Variants in MPHOSPH9 observed in about 807,000 individuals in gnomAD.
The protein encoded by MPHOSPH9 is M-phase phosphoprotein 9.
In MPHOSPH9, 88 loss-of-function variants were observed where a neutral mutation model predicts 145.5. The ratio of observed to expected loss-of-function variants is 0.60; its 90% confidence interval spans 0.51 to 0.72. The LOEUF (loss-of-function observed/expected upper bound fraction) is 0.72. Ranked by LOEUF, MPHOSPH9 falls within the 30% of genes least tolerant of loss-of-function variation. The pLI is 0.00. For missense variants in MPHOSPH9, 1,238 were observed against 1,386.6 expected (o/e 0.89, Z 1.70); for synonymous variants, 435 against 486.2 (o/e 0.89, Z 1.39).
At chr12:123,195,724 C>G (rs1191254095) in intron 12 of MPHOSPH9, among the ~76,000 whole-genome samples, 1 of 152,030 alleles carries the variant, frequency 6.6e-6, no homozygotes, top group Non-Finnish European at 1.5e-5. Context: ...AGATAATAGT[C>G]CCGAATGTCA....
Position 123,176,804 on chromosome 12 carries a change from A to G in MPHOSPH9, c.2355-15T>C, listed in dbSNP as rs1444321962. On this transcript the variant is annotated splice_polypyrimidine_tract_variant and intron_variant, in intron 15 of 23. Coordinates refer to ENST00000606320, the MANE Select transcript of MPHOSPH9 (RefSeq NM_022782.4). ...TTGAAATCATTCTAATTCAAAAGCA[A>G]TAAAGATAAATTAAGTACATTTCAA... 2.6e-6 allele frequency: 4 copies of G among 1,560,604 alleles called. No individual in the cohort carries two copies. The South Asian group carries it at 3.3e-5, about 13-fold the overall frequency.
At chr12:123,198,367 A>G (rs375892583) in intron 11 of MPHOSPH9, 33 bp from the exon 12 acceptor site, 17 of 1,496,586 alleles carry the variant, frequency 1.1e-5, no homozygotes, top group Non-Finnish European at 1.6e-5. Flanking sequence ...CAATTAGAAG[A>G]TAAAATTATT....
Position 123,202,322 on chromosome 12 carries a change from T to C in MPHOSPH9, c.1782-3A>G. The C allele has an allele frequency of 1.3e-6, 2 of 1,583,628 alleles. No individual in the cohort carries two copies. Among genetic ancestry groups the C allele is most frequent in the Non-Finnish European group, 1.7e-6 (2 of 1,170,718 alleles). ...TTTCCTTCAGATTCTGCCTAATCCT[T>C]ATTCAGTGAGAATAAAAAATATATA... On this transcript the variant is annotated splice_region_variant and splice_polypyrimidine_tract_variant and intron_variant, in intron 10 of 23. Transcript: ENST00000606320.
At chr12:123,218,875 A>AGCT (rs1555230259) in intron 5 of MPHOSPH9, among the ~76,000 whole-genome samples, 2 of 151,334 alleles carry the variant, frequency 1.3e-5, no homozygotes, top group Admixed American at 1.3e-4. Flanking sequence ...AGTTGCTTTC[A>AGCT]GTTGTTGTGT....
chr12:123,229,299 T>C (rs2047548469), intron 2 of MPHOSPH9, among the ~76,000 whole-genome samples: 1 of 152,050 alleles, frequency 6.6e-6, no homozygotes. Context: ...ACTATAAATT[T>C]AGAAACCCAA....
At chr12:123,205,129 C>A (rs2046370174) in intron 8 of MPHOSPH9, among the ~76,000 whole-genome samples, 1 of 152,206 alleles carries the variant, frequency 6.6e-6, no homozygotes, top group Non-Finnish European at 1.5e-5. Context: ...TGAAAGAACA[C>A]ATTAATCATG....
chr12:123,192,086 A>G (rs1478109535), intron 13 of MPHOSPH9, among the ~76,000 whole-genome samples: 1 of 152,126 alleles, frequency 6.6e-6, no homozygotes, highest in Admixed American at 6.6e-5. Flanking sequence ...AGAAAAACAC[A>G]CCACAGTACA....
At chr12:123,202,362 T>C (rs773447841) in intron 10 of MPHOSPH9, 43 bp from the exon 11 acceptor site, 9 of 1,533,402 alleles carry the variant, frequency 5.9e-6, no homozygotes, top group Non-Finnish European at 7.9e-6. Flanking sequence ...GAAAGCTATC[T>C]TCAGTCTCCA....
At chr12:123,152,344 T>C (rs543869957), downstream of MPHOSPH9, 4 of 313,638 alleles carry the variant, frequency 1.3e-5, no homozygotes, top group South Asian at 7.6e-5. Context: ...CAAGTATTTA[T>C]TGAGTGCCTG....
At chr12:123,170,201 G>A (rs2044516862) in intron 16 of MPHOSPH9, among the ~76,000 whole-genome samples, 1 of 151,646 alleles carries the variant, frequency 6.6e-6, no homozygotes, top group African/African-American at 2.4e-5. Flanking sequence ...GGAGTACAGT[G>A]GCTCGATGTC....
At chr12:123,162,046 C>A in intron 21 of MPHOSPH9, 69 bp downstream of exon 21, 1 of 1,008,850 alleles carries the variant, frequency 9.9e-7, no homozygotes, top group South Asian at 1.9e-5. Flanking sequence ...ATTTAGAACA[C>A]TGAGAGATAC....
At chr12:123,156,995 G>C in intron 23 of MPHOSPH9, 87 bp from the exon 24 acceptor site, 2 of 917,526 alleles carry the variant, frequency 2.2e-6, no homozygotes, top group Non-Finnish European at 3.3e-6. Context: ...TTTAGCAAAA[G>C]AGCAAGTATA....
intron 8 of MPHOSPH9, among the ~76,000 whole-genome samples, chr12:123,207,146 TAAAAA>T (rs35392378): frequency 8.7e-6 from 1 of 114,580 alleles, no homozygotes; most frequent in Non-Finnish European, 1.7e-5. Context: ...CTAAAGTGGT[TAAAAA>T]AAAAAAAAAA....
chr12:123,188,472 C>G (rs925953339), intron 13 of MPHOSPH9, among the ~76,000 whole-genome samples: 3 of 152,200 alleles, frequency 2.0e-5, no homozygotes, highest in Non-Finnish European at 4.4e-5. Flanking sequence ...TAAGCTCTTG[C>G]AGAACCTTGC....
upstream of MPHOSPH9, chr12:123,233,256 A>C (rs569733747): frequency 6.6e-6 from 1 of 152,036 alleles, no homozygotes; most frequent in African/African-American, 2.4e-5. Context: ...CTCCAACCAA[A>C]GAGAGACATC....
At chr12:123,190,898 T>C (rs2045648835) in intron 13 of MPHOSPH9, among the ~76,000 whole-genome samples, 1 of 152,194 alleles carries the variant, frequency 6.6e-6, no homozygotes. Context: ...TTGTATATGA[T>C]AAATGCAAAG....
intron 16 of MPHOSPH9, among the ~76,000 whole-genome samples, chr12:123,172,806 G>A (rs1198814635): frequency 6.8e-6 from 1 of 147,060 alleles, no homozygotes; most frequent in Non-Finnish European, 1.5e-5. Context: ...ATGATGCAGT[G>A]TCATGCTTGA....
At chr12:123,162,465 A>C (rs540036407) in intron 20 of MPHOSPH9, 4 of 260,804 alleles carry the variant, frequency 1.5e-5, no homozygotes, top group African/African-American at 8.8e-5. Flanking sequence ...AACCTTATGA[A>C]ATAAGCAGGG....
At chr12:123,158,792 C>T (rs1459370249) in intron 23 of MPHOSPH9, among the ~76,000 whole-genome samples, 2 of 152,092 alleles carry the variant, frequency 1.3e-5, no homozygotes, top group African/African-American at 2.4e-5. Flanking sequence ...CCACAACCGG[C>T]TAATTTTTTT....
Sources: gnomAD v4.1 joint callset for allele counts (sites outside exome capture counted in the v4.1 genomes callset) on GRCh38, gnomAD v4.1.1 for gene constraint, MANE v1.5 for transcripts, NCBI Gene and HGNC (gene_info 2026-07-23, HGNC 2026-07-21) for gene names.